Variants in STRN observed in about 807,000 individuals in gnomAD.
The protein encoded by STRN is striatin.
A neutral mutation model predicts 96.3 loss-of-function variants in STRN; 53 were observed. That is an observed-to-expected ratio of 0.55 (90% CI 0.44 to 0.69). The LOEUF (loss-of-function observed/expected upper bound fraction) is 0.69. STRN is among the 30% of genes least tolerant of loss of function. The pLI, the probability that STRN is intolerant of heterozygous loss-of-function variation, is 0.00. For synonymous variants in STRN, 428 were observed against 355.9 expected (o/e 1.20, Z -2.28); for missense variants, 987 against 963.9 (o/e 1.02, Z -0.32).
intron 5 of STRN, among the ~76,000 whole-genome samples, chr2:36,901,605 T>G (rs1027418369): frequency 6.6e-6 from 1 of 151,548 alleles, no homozygotes; most frequent in African/African-American, 2.4e-5. Flanking sequence ...ATGACTTACA[T>G]TAAACCCAGA....
At chr2:36,942,712 T>C (rs780275472) in intron 1 of STRN, among the ~76,000 whole-genome samples, 2 of 152,160 alleles carry the variant, frequency 1.3e-5, no homozygotes, top group Non-Finnish European at 2.9e-5. Flanking sequence ...TTCTTTTTTT[T>C]TGAGACGGAG....
intron 2 of STRN, among the ~76,000 whole-genome samples, chr2:36,922,355 T>C (rs11124554): frequency 0.56 from 84,155 of 151,378 alleles, 24,364 homozygotes; most frequent in African/African-American, 0.71. Flanking sequence ...CCTGTCTCTC[T>C]AAAAAATTAA....
chr2:36,900,305 C>A (rs770047114), intron 5 of STRN, among the ~76,000 whole-genome samples: 1 of 152,142 alleles, frequency 6.6e-6, no homozygotes, highest in Non-Finnish European at 1.5e-5. Context: ...ATTATCTCTA[C>A]CGCCGTTTTT....
intron 1 of STRN, among the ~76,000 whole-genome samples, chr2:36,952,437 T>G (rs1312696752): frequency 7.3e-6 from 1 of 137,172 alleles, no homozygotes; most frequent in Non-Finnish European, 1.5e-5. Context: ...ACAGTGACCC[T>G]GAAGCACGAG....
At chr2:36,861,767 C>T (rs1187632306) in intron 12 of STRN, among the ~76,000 whole-genome samples, 1 of 150,142 alleles carries the variant, frequency 6.7e-6, no homozygotes, top group African/African-American at 2.4e-5. Context: ...ACACACACTT[C>T]TCACAAAACT....
chr2:36,864,253 A>G (rs968934873), intron 12 of STRN, among the ~76,000 whole-genome samples: 1 of 152,168 alleles, frequency 6.6e-6, no homozygotes, highest in Non-Finnish European at 1.5e-5. Context: ...AAATGCTTCC[A>G]GATTTTGCAG....
At chr2:36,904,781 T>C (rs1294644591) in intron 4 of STRN, among the ~76,000 whole-genome samples, 2 of 152,146 alleles carry the variant, frequency 1.3e-5, no homozygotes, top group Admixed American at 6.5e-5. Context: ...TAAGCCAAGA[T>C]TGTGCCACTG....
At chr2:36,935,715 G>T (rs1280157657) in intron 1 of STRN, among the ~76,000 whole-genome samples, 1 of 152,112 alleles carries the variant, frequency 6.6e-6, no homozygotes, top group Non-Finnish European at 1.5e-5. Context: ...AGACTCAACT[G>T]TTCCATCCCA....
intron 1 of STRN, among the ~76,000 whole-genome samples, chr2:36,935,501 C>T (rs1432345665): frequency 6.6e-6 from 1 of 152,154 alleles, no homozygotes; most frequent in Non-Finnish European, 1.5e-5. Flanking sequence ...GTCTTGTTCT[C>T]TTTTAATTTT....
At chr2:36,955,276 C>G (rs1447615129) in intron 1 of STRN, among the ~76,000 whole-genome samples, 1 of 152,144 alleles carries the variant, frequency 6.6e-6, no homozygotes, top group Non-Finnish European at 1.5e-5. Context: ...AAAGTCACTT[C>G]CTTTCTCTAG....
chr2:36,952,304 T>C (rs1664772811), intron 1 of STRN, among the ~76,000 whole-genome samples: 1 of 152,176 alleles, frequency 6.6e-6, no homozygotes, highest in Non-Finnish European at 1.5e-5. Flanking sequence ...TACAAGCTGT[T>C]AGGGAAGCAC....
rs562314697 is a variant in STRN at position 36,904,288 on chromosome 2, G to A, written c.491+1252C>T. On this transcript the variant is annotated intron_variant, in intron 4 of 17. Coordinates refer to ENST00000263918, the MANE Select transcript of STRN (RefSeq NM_003162.4). The stretch of plus-strand genomic sequence containing the variant: ...AAAGACATTTTAAGATTCTCTTTCC[G>A]TAGTCAAAAGTAATAGCTGCTATAC... 6.0e-4 allele frequency among the ~76,000 whole-genome samples: 91 copies of A among 152,146 alleles called. No homozygotes were observed. The South Asian group carries it at 0.017, about 28-fold the overall frequency.
At chr2:36,892,081 T>C (rs994642259) in intron 7 of STRN, among the ~76,000 whole-genome samples, 1 of 152,236 alleles carries the variant, frequency 6.6e-6, no homozygotes, top group African/African-American at 2.4e-5. Context: ...TTAATACCTG[T>C]GTCCCAGTCT....
chr2:36,839,470 G>A lies in STRN; in HGVS notation c.*9986C>T, dbSNP rs1452723886. On this transcript the variant is annotated 3_prime_UTR_variant, in exon 18 of 18. Coordinates refer to ENST00000263918, the MANE Select transcript of STRN (RefSeq NM_003162.4). Reference sequence around the variant, plus strand: ...TGATGTTCTAGAAGCTATCAGGAGTGTGACCGAACTACATGACCAGAAGTC... The same window carrying A: ...TGATGTTCTAGAAGCTATCAGGAGTATGACCGAACTACATGACCAGAAGTC... Among the ~76,000 whole-genome samples, 1 of 152,194 alleles carries A rather than the reference G, an allele frequency of 6.6e-6. No homozygotes were observed. The highest frequency in any genetic ancestry group is 1.5e-5 in the Non-Finnish European group (1 of 68,046).
chr2:36,960,386 C>T (rs1664999187), intron 1 of STRN, among the ~76,000 whole-genome samples: 1 of 152,134 alleles, frequency 6.6e-6, no homozygotes, highest in South Asian at 2.1e-4. Context: ...CTGGGTCAGA[C>T]CCAGAATATT....
chr2:36,850,383 C>T (rs1043779351), intron 16 of STRN, among the ~76,000 whole-genome samples: 1 of 152,150 alleles, frequency 6.6e-6, no homozygotes, highest in African/African-American at 2.4e-5. Context: ...ACAGTGCTTC[C>T]TAAATTTCCT....
At chr2:36,866,256 G>C (rs1261701215) in intron 12 of STRN, among the ~76,000 whole-genome samples, 1 of 151,994 alleles carries the variant, frequency 6.6e-6, no homozygotes, top group Non-Finnish European at 1.5e-5. Context: ...TGTAGAGATG[G>C]GGTTCTGCCA....
At chr2:36,964,511 G>A (rs1455583444) in intron 1 of STRN, among the ~76,000 whole-genome samples, 1 of 152,098 alleles carries the variant, frequency 6.6e-6, no homozygotes, top group Non-Finnish European at 1.5e-5. Context: ...CAAGGTCAAA[G>A]AAGACTTGCA....
intron 2 of STRN, 105 bp downstream of exon 2, chr2:36,925,000 G>C: frequency 1.0e-6 from 1 of 977,532 alleles, no homozygotes; most frequent in East Asian, 2.5e-5. Flanking sequence ...AGGTCGCGGT[G>C]AGCCAAGATC....
Sources: gnomAD v4.1 joint callset for allele counts (sites outside exome capture counted in the v4.1 genomes callset) on GRCh38, gnomAD v4.1.1 for gene constraint, MANE v1.5 for transcripts, NCBI Gene and HGNC (gene_info 2026-07-23, HGNC 2026-07-21) for gene names.